DHRS12: variants seen among roughly 807,000 people sequenced by gnomAD.
The protein encoded by DHRS12 is dehydrogenase/reductase SDR family member 12.
DHRS12 carries 29 observed loss-of-function variants against 32.1 expected under a neutral mutation model. The ratio of observed to expected loss-of-function variants is 0.90; its 90% confidence interval spans 0.67 to 1.23. The LOEUF is 1.23. Ranked by LOEUF, DHRS12 falls within the 50% of genes most tolerant of loss-of-function variation. DHRS12 has a pLI of 0.00. For missense variants in DHRS12, 330 were observed against 337.2 expected (o/e 0.98, Z 0.17); for synonymous variants, 150 against 135.9 (o/e 1.10, Z -0.72).
In DHRS12 at chr13:51,771,930, G is replaced by C. The variant is rs371091134; in HGVS notation, c.469-19C>G. ...GCTGCCTCTGGACAGGAAGGAGCGA[G>C]GGGGTGAACAGGAGAGAGGAGGCGC... is the stretch of plus-strand genomic sequence containing the variant. On this transcript the variant is annotated intron_variant, in intron 6 of 8. Coordinates refer to ENST00000444610, the MANE Select transcript of DHRS12 (RefSeq NM_001377533.1). 2 of 1,612,902 alleles carry C rather than the reference G, an allele frequency of 1.2e-6. No homozygotes were observed. The highest frequency in any genetic ancestry group is 2.7e-5 in the African/African-American group (2 of 74,894).
At chr13:51,786,817 G>C (rs181055380) in intron 4 of DHRS12, among the ~76,000 whole-genome samples, 2 of 152,276 alleles carry the variant, frequency 1.3e-5, no homozygotes, top group Admixed American at 1.3e-4. Flanking sequence ...TGTTTGGCTG[G>C]AGATTGCAAA....
chr13:51,791,049 G>C (rs2760303), intron 3 of DHRS12, 116 bp downstream of exon 3: 108,269 of 616,648 alleles, frequency 0.18, 11,083 homozygotes, highest in East Asian at 0.36. Flanking sequence ...AAGCATAAGA[G>C]AGTCTTACTA....
intron 7 of DHRS12, chr13:51,771,204 G>A (rs895514966): frequency 1.9e-6 from 3 of 1,550,006 alleles, no homozygotes; most frequent in Admixed American, 2.0e-5. Context: ...CGCCGCGGGT[G>A]CACCCTGGGG....
chr13:51,764,696 T>A (rs1953692574), downstream of DHRS12: 1 of 152,230 alleles, frequency 6.6e-6, no homozygotes, highest in African/African-American at 2.4e-5. Context: ...TCAGTTTCTT[T>A]TTCTTTGGAA....
chr13:51,788,099 C>T (rs1452799904), intron 4 of DHRS12, among the ~76,000 whole-genome samples: 3 of 151,222 alleles, frequency 2.0e-5, no homozygotes, highest in Non-Finnish European at 4.4e-5. Context: ...GACCCTGCAC[C>T]TGGTTTAATG....
the DHRS12 span, chr13:51,760,580 CTT>C: frequency 6.6e-6 from 1 of 152,172 alleles, no homozygotes; most frequent in African/African-American, 2.4e-5. Flanking sequence ...TCCTGAGCCT[CTT>C]GTTTTAGCTT....
At chr13:51,792,867 C>T (rs1459178633) in intron 2 of DHRS12, among the ~76,000 whole-genome samples, 1 of 150,716 alleles carries the variant, frequency 6.6e-6, no homozygotes, top group Non-Finnish European at 1.5e-5. Context: ...CCACCCTATT[C>T]GTTTTAATGA....
intron 5 of DHRS12, chr13:51,774,251 T>C (rs1954208389): frequency 2.1e-6 from 1 of 469,586 alleles, no homozygotes; most frequent in South Asian, 2.5e-5. Flanking sequence ...AGTATTCTCC[T>C]ACATGTATTC....
chr13:51,765,756 G>A (rs1328995270), downstream of DHRS12: 1 of 152,194 alleles, frequency 6.6e-6, no homozygotes, highest in African/African-American at 2.4e-5. Flanking sequence ...AAAAGATGGT[G>A]AAGTTTCTTT....
intron 4 of DHRS12, among the ~76,000 whole-genome samples, chr13:51,783,511 G>A (rs954396781): frequency 1.3e-5 from 2 of 151,834 alleles, no homozygotes; most frequent in South Asian, 2.1e-4. Flanking sequence ...CTGTGCATGC[G>A]TGTGTGTGTG....
Position 51,782,425 on chromosome 13 carries a change from GGCCATCGC to G in DHRS12, c.302-5312_302-5305del, listed in dbSNP as rs1477334710. ...AGGGTGGAATCACAGGTGGCTTGGA[GGCCATCGC>G]GCTATGGGAGCACGGACAGCTGTGC... is the stretch of plus-strand genomic sequence containing the variant. On this transcript the variant is annotated intron_variant, in intron 4 of 8. Transcript: ENST00000444610. This position sits in a 1 kb window ranked among gnomAD's most constrained non-coding sequence, Gnocchi z 4.2. Among the ~76,000 whole-genome samples the G allele has an allele frequency of 6.6e-6, 1 of 152,214 alleles. No homozygotes were observed. Among genetic ancestry groups the G allele is most frequent in the Non-Finnish European group, 1.5e-5 (1 of 68,034 alleles).
In DHRS12 at chr13:51,782,982, C is replaced by T. The variant is rs1566290461; in HGVS notation, c.302-5861G>A. On this transcript the variant is annotated intron_variant, in intron 4 of 8. Transcript: ENST00000444610. This position sits in a 1 kb window ranked among gnomAD's most constrained non-coding sequence, Gnocchi z 4.2. ...GAAGGGCAGACACCACGGAGCCTGG[C>T]GAGGACTCTGCACCACCATGGAGCT... Among the ~76,000 whole-genome samples the T allele has an allele frequency of 6.6e-6, 1 of 152,128 alleles. No individual in the cohort carries two copies. The highest frequency in any genetic ancestry group is 1.5e-5 in the Non-Finnish European group (1 of 68,018).
At chr13:51,774,190 G>GTACATGTATTCTCC in intron 5 of DHRS12, 156 bp from the exon 6 acceptor site, 2 of 614,208 alleles carry the variant, frequency 3.3e-6, no homozygotes, top group South Asian at 1.9e-5. Context: ...TTCTCCTACA[G>GTACATGTATTCTCC]TACATGTATT....
intron 4 of DHRS12, among the ~76,000 whole-genome samples, chr13:51,781,841 A>G (rs915053335): frequency 6.6e-6 from 1 of 152,108 alleles, no homozygotes; most frequent in South Asian, 2.1e-4. Flanking sequence ...AAGGAAACAG[A>G]TTTGCATGCA....
chr13:51,771,192 GGCGCC>G, intron 7 of DHRS12: 1 of 1,549,480 alleles, frequency 6.5e-7, no homozygotes, highest in South Asian at 1.2e-5. Context: ...ACCAGTTCTT[GGCGCC>G]GCGGGTGCAC....
chr13:51,780,027 A>C (rs951783694), intron 4 of DHRS12, among the ~76,000 whole-genome samples: 2 of 151,980 alleles, frequency 1.3e-5, no homozygotes, highest in African/African-American at 4.8e-5. Context: ...AAATACAAAA[A>C]TTAGTCGGGC....
chr13:51,770,586 G>A (rs557693553), intron 7 of DHRS12, among the ~76,000 whole-genome samples: 9 of 152,048 alleles, frequency 5.9e-5, no homozygotes, highest in African/African-American at 9.7e-5. Flanking sequence ...CTCCCAGGCT[G>A]AGTCTCCCCT....
intron 6 of DHRS12, chr13:51,773,133 T>C: frequency 1.1e-6 from 1 of 919,560 alleles, no homozygotes; most frequent in Non-Finnish European, 1.3e-6. Context: ...CAGTACAGGT[T>C]GAGCATCCTT....
chr13:51,779,384 A>G (rs1233814713), intron 4 of DHRS12, among the ~76,000 whole-genome samples: 1 of 152,090 alleles, frequency 6.6e-6, no homozygotes, highest in East Asian at 1.9e-4. Context: ...AACAAAGCAA[A>G]CAGTCTTTGC....
Sources: gnomAD v4.1 joint callset for allele counts (sites outside exome capture counted in the v4.1 genomes callset) on GRCh38, gnomAD v4.1.1 for gene constraint, Gnocchi (gnomAD v3.1) non-coding constraint, MANE v1.5 for transcripts, NCBI Gene and HGNC (gene_info 2026-07-23, HGNC 2026-07-21) for gene names.